The following EXOC6B variants were observed in gnomAD, a reference collection of about 807,000 sequenced individuals.
EXOC6B encodes exocyst complex component 6B.
In EXOC6B, 54 loss-of-function variants were observed where a neutral mutation model predicts 113.5. The ratio of observed to expected loss-of-function variants is 0.48; its 90% CI spans 0.38 to 0.60. The LOEUF (loss-of-function observed/expected upper bound fraction) is 0.60. Ranked by LOEUF, EXOC6B falls within the 20% of genes least tolerant of loss-of-function variation. The pLI is 0.00. For missense variants in EXOC6B, 797 were observed against 977.5 expected (o/e 0.82, Z 2.46); for synonymous variants, 357 against 339.0 (o/e 1.05, Z -0.58).
chr2:72,343,967 C>T (rs1346733084), intron 19 of EXOC6B, among the ~76,000 whole-genome samples: 1 of 152,098 alleles, frequency 6.6e-6, no homozygotes, highest in Non-Finnish European at 1.5e-5. Context: ...TGTTTATATT[C>T]ATATCTTTCA....
intron 8 of EXOC6B, among the ~76,000 whole-genome samples, chr2:72,540,601 T>C (rs1330992053): frequency 6.6e-6 from 1 of 152,206 alleles, no homozygotes; most frequent in Non-Finnish European, 1.5e-5. Flanking sequence ...TCTAATCTAC[T>C]GCCCACATTT....
chr2:72,639,878 C>CTCAAGGAT (rs1673104534), intron 6 of EXOC6B, among the ~76,000 whole-genome samples: 1 of 152,142 alleles, frequency 6.6e-6, no homozygotes, highest in Non-Finnish European at 1.5e-5. Context: ...GGTCAGCAAG[C>CTCAAGGAT]TCAAGGATTA....
rs759565091 is a variant in EXOC6B, at chr2:72,514,691, G to A, written c.1000-11C>T. The A allele has an allele frequency of 8.8e-6, 13 of 1,471,982 alleles. No homozygotes were observed. The South Asian group carries it at 1.7e-4, about 19-fold the overall frequency. The allele number at this position is 1,471,982 out of a possible 1,614,324, so 91.2% of individuals were successfully genotyped here. On this transcript the variant is annotated splice_polypyrimidine_tract_variant and intron_variant, in intron 9 of 21. Coordinates refer to ENST00000272427, the MANE Select transcript of EXOC6B (RefSeq NM_015189.3). The stretch of plus-strand genomic sequence containing the variant: ...ATCTAAAGTTTCATGCTGCAACAAA[G>A]CAAAGAAGAAAAAGTTATTGTTTCT...
intron 18 of EXOC6B, among the ~76,000 whole-genome samples, chr2:72,420,312 C>A (rs767591155): frequency 6.6e-6 from 1 of 151,986 alleles, no homozygotes; most frequent in Admixed American, 6.6e-5. Flanking sequence ...TAGGTATACA[C>A]GTGCCATAGT....
At chr2:72,186,707 T>C (rs1678455914) in intron 20 of EXOC6B, among the ~76,000 whole-genome samples, 1 of 152,218 alleles carries the variant, frequency 6.6e-6, no homozygotes, top group Non-Finnish European at 1.5e-5. Flanking sequence ...AACTACCTTC[T>C]TTTTAAATGA....
intron 20 of EXOC6B, among the ~76,000 whole-genome samples, chr2:72,320,541 G>A (rs1460829827): frequency 6.6e-6 from 1 of 151,996 alleles, no homozygotes; most frequent in Non-Finnish European, 1.5e-5. Flanking sequence ...TATGAACCTT[G>A]GCCATACTTC....
intron 20 of EXOC6B, among the ~76,000 whole-genome samples, chr2:72,243,009 A>T (rs1289436174): frequency 6.6e-6 from 1 of 152,212 alleles, no homozygotes; most frequent in East Asian, 1.9e-4. Flanking sequence ...TACAGGCATG[A>T]GCCACTGTGC....
intron 8 of EXOC6B, among the ~76,000 whole-genome samples, chr2:72,520,760 T>C (rs912781010): frequency 2.6e-5 from 4 of 152,222 alleles, no homozygotes; most frequent in African/African-American, 9.6e-5. Context: ...GCAAATATTC[T>C]CCTGCCACAC....
intron 17 of EXOC6B, among the ~76,000 whole-genome samples, chr2:72,468,201 G>T (rs1355922460): frequency 6.6e-6 from 1 of 151,352 alleles, no homozygotes; most frequent in Non-Finnish European, 1.5e-5. Flanking sequence ...TGGGGTCATA[G>T]CTTAAAAAAA....
chr2:72,480,772 TAA>T (rs1699036506), intron 16 of EXOC6B, 22 bp from the exon 17 acceptor site: 1 of 1,590,052 alleles, frequency 6.3e-7, no homozygotes, highest in African/African-American at 1.3e-5. Context: ...CAAACACATG[TAA>T]AAGTCATTTA....
At chr2:72,194,960 AGCTCCCTGCTTTCCCT>A (rs1267924660) in intron 20 of EXOC6B, among the ~76,000 whole-genome samples, 3 of 152,162 alleles carry the variant, frequency 2.0e-5, no homozygotes, top group Non-Finnish European at 4.4e-5. Context: ...GTGGCTGTGC[AGCTCCCTGCTTTCCCT>A]GCAGCCCAGC....
intron 6 of EXOC6B, among the ~76,000 whole-genome samples, chr2:72,579,341 G>A (rs910094222): frequency 1.3e-5 from 2 of 152,258 alleles, no homozygotes; most frequent in Non-Finnish European, 1.5e-5. Context: ...AAGCACCTCA[G>A]TGTATACAAC....
intron 16 of EXOC6B, among the ~76,000 whole-genome samples, chr2:72,481,350 A>C (rs1699079960): frequency 6.6e-6 from 1 of 152,258 alleles, no homozygotes; most frequent in Non-Finnish European, 1.5e-5. Context: ...GGGAACACTT[A>C]TCACTGTATT....
intron 18 of EXOC6B, among the ~76,000 whole-genome samples, chr2:72,401,349 C>G (rs1230194106): frequency 1.3e-5 from 2 of 148,414 alleles, no homozygotes; most frequent in African/African-American, 2.5e-5. Flanking sequence ...GTAATCCCAG[C>G]TACTTGGGAG....
chr2:72,413,962 C>T (rs2105233669), intron 18 of EXOC6B, among the ~76,000 whole-genome samples: 1 of 152,300 alleles, frequency 6.6e-6, no homozygotes, highest in African/African-American at 2.4e-5. Context: ...GCAGTCAATT[C>T]AAATTCCCAA....
At chr2:72,575,021 C>A (rs1704742100) in intron 7 of EXOC6B, among the ~76,000 whole-genome samples, 1 of 152,170 alleles carries the variant, frequency 6.6e-6, no homozygotes, top group South Asian at 2.1e-4. Flanking sequence ...TTTATTTCCT[C>A]CAGAAATGCA....
rs1207170926 is a variant in EXOC6B at position 72,513,191 on chromosome 2, T to C, written c.1108A>G (p.Ile370Val). ...AGTGCCATTTCCCACAGTTCATCAA[T>C]GTAGGCTCTATTTACTAAGCCCTGG... ...TTQGLVNRAY[I>V]DELWEMALSK... is the part of the protein sequence containing the mutation. Residue 370 changes from isoleucine (I) to valine (V), a missense_variant, in exon 11 of 22, where the codon ATT (isoleucine) becomes GTT (valine). Physicochemically the swap from Ile to Val is conservative, Grantham distance 29. Coordinates refer to ENST00000272427, the MANE Select transcript of EXOC6B (RefSeq NM_015189.3). The C allele has an allele frequency of 2.5e-6, 4 of 1,613,302 alleles. No homozygotes were observed. The highest frequency in any genetic ancestry group is 3.3e-5 in the Admixed American group (2 of 59,960).
intron 6 of EXOC6B, among the ~76,000 whole-genome samples, chr2:72,713,145 G>A (rs1207637605): frequency 1.3e-5 from 2 of 152,084 alleles, no homozygotes; most frequent in Non-Finnish European, 2.9e-5. Flanking sequence ...CCAAAAAGAA[G>A]CCTATGTACC....
At chr2:72,561,630 TG>T (rs986748231) in intron 7 of EXOC6B, among the ~76,000 whole-genome samples, 1 of 152,136 alleles carries the variant, frequency 6.6e-6, no homozygotes, top group Non-Finnish European at 1.5e-5. Flanking sequence ...CCTAGAAATC[TG>T]TGATAAATAA....
Sources: gnomAD v4.1 joint callset for allele counts (sites outside exome capture counted in the v4.1 genomes callset) on GRCh38, gnomAD v4.1.1 for gene constraint, MANE v1.5 for transcripts, NCBI Gene and HGNC (gene_info 2026-07-23, HGNC 2026-07-21) for gene names.